Variants in GTSE1 observed in about 807,000 individuals in gnomAD.
GTSE1 encodes G2 and S phase-expressed protein 1.
A neutral mutation model predicts 60.5 loss-of-function variants in GTSE1; 52 were observed. The observed-to-expected ratio is 0.86, with a 90% CI of 0.69 to 1.08. GTSE1 has a LOEUF of 1.08. GTSE1 is among the 50% of genes least tolerant of loss of function. GTSE1 has a pLI of 0.00. For missense variants in GTSE1, 937 were observed against 961.8 expected (o/e 0.97, Z 0.34); for synonymous variants, 368 against 386.5 (o/e 0.95, Z 0.56).
rs201086044 is a variant in GTSE1, at chr22:46,308,504, T to G, written c.323T>G (p.Leu108Arg). Residue 108 changes from leucine to arginine, a missense_variant, in exon 4 of 12, where the codon CTG (leucine) becomes CGG (arginine). By Grantham distance (102) the Leu-to-Arg change is moderately radical. Coordinates refer to ENST00000454366, the MANE Select transcript of GTSE1 (RefSeq NM_016426.7). ...FVEVYKEAHL[L>R]ALHIESSSRN... Reference sequence around the variant, plus strand: ...GAGGTGTACAAAGAAGCTCACTTACTGGCTTTACACATTGAGAGCAGCAGC... The same window carrying G: ...GAGGTGTACAAAGAAGCTCACTTACGGGCTTTACACATTGAGAGCAGCAGC... 2 of 1,614,066 alleles carry G rather than the reference T, an allele frequency of 1.2e-6. No individual in the cohort carries two copies. The highest frequency in any genetic ancestry group is 4.5e-5 in the East Asian group (2 of 44,898).
Position 46,320,416 on chromosome 22 carries a change from G to C in GTSE1, c.1433-2774G>C, listed in dbSNP as rs1186224916. ...GGTCCCACAAACTCAGCACTGGCCG[G>C]AAGAGAGGCCCCAGGGGAGCAGCCA... On this transcript the variant is annotated intron_variant, in intron 7 of 11. Coordinates refer to ENST00000454366, the MANE Select transcript of GTSE1 (RefSeq NM_016426.7). The surrounding 1 kb of genome is among the most constrained non-coding windows in gnomAD (Gnocchi z 7.1). 6.6e-6 allele frequency among the ~76,000 whole-genome samples: 1 copy of C among 152,186 alleles called. No homozygotes were observed. Among genetic ancestry groups the C allele is most frequent in the Non-Finnish European group, 1.5e-5 (1 of 68,040 alleles).
At chr22:46,299,794 C>A (rs980719006) in intron 2 of GTSE1, among the ~76,000 whole-genome samples, 6 of 151,094 alleles carry the variant, frequency 4.0e-5, no homozygotes, top group Non-Finnish European at 8.9e-5. Flanking sequence ...TTTCTTTTTT[C>A]TTTTTCTTTT....
intron 2 of GTSE1, among the ~76,000 whole-genome samples, chr22:46,307,933 G>A (rs913685390): frequency 9.9e-5 from 15 of 152,100 alleles, no homozygotes; most frequent in African/African-American, 3.4e-4. Context: ...TCAACATAGC[G>A]AGACTTCGTC....
intron 2 of GTSE1, among the ~76,000 whole-genome samples, chr22:46,299,010 T>G (rs774088724): frequency 4.6e-5 from 7 of 152,254 alleles, no homozygotes; most frequent in Non-Finnish European, 8.8e-5. Context: ...CATTCCGGCT[T>G]CTGTCCTTAC....
At position 46,324,553 on chromosome 22, in the gene GTSE1, G is replaced by A. The variant is rs1432973917; in HGVS notation, c.1505+1291G>A. On this transcript the variant is annotated intron_variant, in intron 8 of 11. Coordinates refer to ENST00000454366, the MANE Select transcript of GTSE1 (RefSeq NM_016426.7). This position sits in a 1 kb window ranked among gnomAD's most constrained non-coding sequence, Gnocchi z 5.2. The stretch of plus-strand genomic sequence containing the variant: ...CGGCTAAGTTTTTGTATTTTTAGTA[G>A]AGACGGGGTTTCACCGTGTTAGCCA... Among the ~76,000 whole-genome samples, 1 of 152,060 alleles carries A rather than the reference G, an allele frequency of 6.6e-6. No individual in the cohort carries two copies. The highest frequency in any genetic ancestry group is 2.1e-4 in the South Asian group (1 of 4,826).
chr22:46,313,344 GT>G lies in GTSE1; in HGVS notation c.928-545del, dbSNP rs2147821471. Among the ~76,000 whole-genome samples, 1 of 152,274 alleles carries G rather than the reference GT, an allele frequency of 6.6e-6. No individual in the cohort carries two copies. The highest frequency in any genetic ancestry group is 6.5e-5 in the Admixed American group (1 of 15,284). On this transcript the variant is annotated intron_variant, in intron 5 of 11. Transcript: ENST00000454366. The surrounding 1 kb of genome is among the most constrained non-coding windows in gnomAD (Gnocchi z 4.4). ...GGCCCTGCAGCTGCTGACTCATGGG[GT>G]CTGGGTTGGGGCCCCAAATCTGCAT... is the stretch of plus-strand genomic sequence containing the variant.
At chr22:46,306,385 G>A (rs1429141933) in intron 2 of GTSE1, among the ~76,000 whole-genome samples, 1 of 151,938 alleles carries the variant, frequency 6.6e-6, no homozygotes, top group East Asian at 1.9e-4. Flanking sequence ...GTTTCACCAT[G>A]TTAGCCAGGA....
chr22:46,319,847 A>G lies in GTSE1; in HGVS notation c.1433-3343A>G, dbSNP rs1287746306. Reference sequence around the variant, plus strand: ...CTAAAAATAGAAAAATTAGCCAGGCATGGTGGCGCATGCCTGTAATCCCAG... The same window carrying G: ...CTAAAAATAGAAAAATTAGCCAGGCGTGGTGGCGCATGCCTGTAATCCCAG... On this transcript the variant is annotated intron_variant, in intron 7 of 11. Coordinates refer to ENST00000454366, the MANE Select transcript of GTSE1 (RefSeq NM_016426.7). The surrounding 1 kb of genome is among the most constrained non-coding windows in gnomAD (Gnocchi z 5.0). Among the ~76,000 whole-genome samples, 1 of 152,034 alleles carries G rather than the reference A, an allele frequency of 6.6e-6. No homozygotes were observed. The highest frequency in any genetic ancestry group is 2.4e-5 in the African/African-American group (1 of 41,410).
intron 9 of GTSE1, among the ~76,000 whole-genome samples, chr22:46,328,487 G>C (rs903700922): frequency 1.3e-5 from 2 of 152,186 alleles, no homozygotes; most frequent in Admixed American, 1.3e-4. Context: ...GGACAGCTAA[G>C]ATTTGTGAGC....
chr22:46,308,682 C>T lies in GTSE1; in HGVS notation c.501C>T (p.Tyr167=). Residue 167 remains tyrosine, a synonymous_variant, in exon 4 of 12, where the codon TAC becomes TAT. Transcript: ENST00000454366. ...SPTSLKRETY[Y]LSDSPLLGPP... ...CGTCTCTTAAAAGGGAGACATACTA[C>T]CTGTCAGACAGCCCCTTGCTGGGGC... is the stretch of plus-strand genomic sequence containing the variant. The T allele has an allele frequency of 6.2e-7, 1 of 1,613,976 alleles. No homozygotes were observed. The highest frequency in any genetic ancestry group is 8.5e-7 in the Non-Finnish European group (1 of 1,180,036).
In GTSE1 at chr22:46,321,900, C is replaced by CCTGTCT. The variant is rs1424474951; in HGVS notation, c.1433-1287_1433-1282dup. On this transcript the variant is annotated intron_variant, in intron 7 of 11. Coordinates refer to ENST00000454366, the MANE Select transcript of GTSE1 (RefSeq NM_016426.7). The surrounding 1 kb of genome is among the most constrained non-coding windows in gnomAD (Gnocchi z 4.0). ...ACCAGCCTGGCCAACATGGCAAAAC[C>CCTGTCT]CTGTCTCTACTAACAATACAAAAAT... Among the ~76,000 whole-genome samples the CCTGTCT allele has an allele frequency of 6.6e-6, 1 of 151,994 alleles. No homozygotes were observed. Among genetic ancestry groups the CCTGTCT allele is most frequent in the African/African-American group, 2.4e-5 (1 of 41,388 alleles).
chr22:46,330,169 A>G lies in GTSE1; in HGVS notation c.*39A>G. ...CTTTGCCTTGAAAGAACAGCCCTAA[A>G]GTGGTTTTCAACCCTCAGAAACAAG... On this transcript the variant is annotated 3_prime_UTR_variant, in exon 12 of 12. Coordinates refer to ENST00000454366, the MANE Select transcript of GTSE1 (RefSeq NM_016426.7). This position sits in a 1 kb window ranked among gnomAD's most constrained non-coding sequence, Gnocchi z 6.0. The G allele has an allele frequency of 7.7e-7, 1 of 1,300,032 alleles. No homozygotes were observed. Among genetic ancestry groups the G allele is most frequent in the Non-Finnish European group, 1.1e-6 (1 of 893,248 alleles). The allele number at this position is 1,300,032 out of a possible 1,614,324, so 80.5% of individuals were successfully genotyped here. A position where few individuals can be genotyped will look rare whatever the true frequency, so the allele number is the denominator to read the frequency against.
intron 2 of GTSE1, among the ~76,000 whole-genome samples, chr22:46,303,159 C>T (rs1251866837): frequency 6.6e-6 from 1 of 152,134 alleles, no homozygotes. Flanking sequence ...CTCGGCCTCC[C>T]AAAGTGCTGG....
rs753709637 is a variant in GTSE1, at chr22:46,310,098, C to G, written c.762+1155C>G. 2.6e-5 allele frequency among the ~76,000 whole-genome samples: 4 copies of G among 152,202 alleles called. No individual in the cohort carries two copies. The highest frequency in any genetic ancestry group is 5.9e-5 in the Non-Finnish European group (4 of 68,036). On this transcript the variant is annotated intron_variant, in intron 4 of 11. Transcript: ENST00000454366. This position sits in a 1 kb window ranked among gnomAD's most constrained non-coding sequence, Gnocchi z 4.4. ...AGATGCACTCATGCACACGTGGGAG[C>G]CCCACCATGTCCTGCATGTTTCTCT...
At chr22:46,307,490 A>G (rs967316684) in intron 2 of GTSE1, among the ~76,000 whole-genome samples, 1 of 151,622 alleles carries the variant, frequency 6.6e-6, no homozygotes, top group Non-Finnish European at 1.5e-5. Flanking sequence ...CTTAGTGAAC[A>G]TAGAATGGCT....
chr22:46,307,807 T>G (rs2077723567), intron 2 of GTSE1, among the ~76,000 whole-genome samples: 1 of 142,814 alleles, frequency 7.0e-6, no homozygotes, highest in African/African-American at 2.9e-5. Context: ...AGCCGGCTGA[T>G]GCAATTAAAA....
intron 5 of GTSE1, among the ~76,000 whole-genome samples, chr22:46,312,889 G>A (rs1421140863): frequency 6.6e-6 from 1 of 151,720 alleles, no homozygotes; most frequent in South Asian, 2.1e-4. Flanking sequence ...GCAGCTGGGT[G>A]CAGTGGCTCA....
rs1233793238 is a variant in GTSE1 at position 46,319,752 on chromosome 22, G to A, written c.1432+3340G>A. Among the ~76,000 whole-genome samples the A allele has an allele frequency of 2.6e-5, 4 of 152,234 alleles. No individual in the cohort carries two copies. The highest frequency in any genetic ancestry group is 4.8e-5 in the African/African-American group (2 of 41,536). The stretch of plus-strand genomic sequence containing the variant: ...TGTAATCCTAGCACTTTGGGAGGCC[G>A]AGGTGAGCAGATCACCTGAGGTCAG... On this transcript the variant is annotated intron_variant, in intron 7 of 11. Transcript: ENST00000454366. The surrounding 1 kb of genome is among the most constrained non-coding windows in gnomAD (Gnocchi z 5.0).
rs1475861910 is a variant in GTSE1, at chr22:46,320,868, G to A, written c.1433-2322G>A. Among the ~76,000 whole-genome samples, 3 of 152,186 alleles carry A rather than the reference G, an allele frequency of 2.0e-5. No individual in the cohort carries two copies. Among genetic ancestry groups the A allele is most frequent in the African/African-American group, 7.2e-5 (3 of 41,530 alleles). On this transcript the variant is annotated intron_variant, in intron 7 of 11. Transcript: ENST00000454366. This position sits in a 1 kb window ranked among gnomAD's most constrained non-coding sequence, Gnocchi z 7.1. ...CAGGCAGCCCTAGGGCAGTCGTGAG[G>A]GTGTCAGGAGATGGCTTGTTCGTGT...
Sources: gnomAD v4.1 joint callset for allele counts (sites outside exome capture counted in the v4.1 genomes callset) on GRCh38, gnomAD v4.1.1 for gene constraint, Gnocchi (gnomAD v3.1) non-coding constraint, MANE v1.5 for transcripts, NCBI Gene and HGNC (gene_info 2026-07-23, HGNC 2026-07-21) for gene names.